FSTL4: variants seen among roughly 807,000 people sequenced by gnomAD.
FSTL4 encodes follistatin like 4, also known as follistatin-related protein 4.
A neutral mutation model predicts 78.2 loss-of-function variants in FSTL4; 28 were observed. The ratio of observed to expected loss-of-function variants is 0.36; its 90% CI spans 0.27 to 0.49. The LOEUF (loss-of-function observed/expected upper bound fraction) is 0.49, where lower values mean the gene tolerates loss of function less well. Among genes scored for constraint, FSTL4 ranks in the 20% least tolerant of loss-of-function variants. The pLI, the probability that FSTL4 is intolerant of heterozygous loss-of-function variation, is 0.98. For missense variants in FSTL4, 922 were observed against 1,084.9 expected, an observed-to-expected ratio of 0.85 and a Z score of 2.11; for synonymous variants, 422 against 440.5, an observed-to-expected ratio of 0.96 and a Z score of 0.53.
chr5:133,643,816 G>A, the FSTL4 span, among the ~76,000 whole-genome samples: 2 of 152,130 alleles, frequency 1.3e-5, no homozygotes, highest in African/African-American at 4.8e-5. Flanking sequence ...ACAATGATCA[G>A]AGAGAAAATC....
rs545146464 is a variant in FSTL4 at position 133,328,940 on chromosome 5, G to A, written c.410-12288C>T. 7.8e-4 allele frequency among the ~76,000 whole-genome samples: 119 copies of A among 152,332 alleles called. 1 individual carries two copies. The highest frequency in any genetic ancestry group is 8.7e-4 in the Non-Finnish European group (59 of 68,038). On this transcript the variant is annotated intron_variant, in intron 4 of 15. Coordinates refer to ENST00000265342, the MANE Select transcript of FSTL4 (RefSeq NM_015082.2). ...TTTGCTCAGCGTCAGCGAGGCAATGGCGTCAGTGATGTCCAGAAATGTAGC... is the reference window on the plus strand; with the variant it reads ...TTTGCTCAGCGTCAGCGAGGCAATGACGTCAGTGATGTCCAGAAATGTAGC...
rs1757069630 is a variant in FSTL4, at chr5:133,437,887, T to C, written c.161-36901A>G. 2.0e-5 allele frequency among the ~76,000 whole-genome samples: 3 copies of C among 152,124 alleles called. No homozygotes were observed. In the South Asian group the frequency reaches 6.2e-4, roughly 32 times the overall value. ...CTTTTAAACATTTTTTCATTATTTA[T>C]GTTATTGAGCTTTCTCCTTTTGTCC... On this transcript the variant is annotated intron_variant, in intron 3 of 15. Transcript: ENST00000265342.
chr5:133,701,498 CACACACACACA>C, the FSTL4 span, among the ~76,000 whole-genome samples: 6 of 132,696 alleles, frequency 4.5e-5, no homozygotes, highest in African/African-American at 1.2e-4. Flanking sequence ...CACACACACA[CACACACACACA>C]CCCCACAGGC....
At chr5:133,499,096 T>C (rs73788107) in intron 3 of FSTL4, among the ~76,000 whole-genome samples, 3,202 of 151,574 alleles carry the variant, frequency 0.021, 120 homozygotes, top group African/African-American at 0.074. Flanking sequence ...TCAGAATGAA[T>C]CCAAGTCATA....
chr5:133,680,643 T>C, the FSTL4 span, among the ~76,000 whole-genome samples: 9 of 152,202 alleles, frequency 5.9e-5, no homozygotes, highest in Non-Finnish European at 1.3e-4. Flanking sequence ...AATACACACC[T>C]GCCAAATGAA....
chr5:133,307,764 CCTT>C lies in FSTL4; in HGVS notation c.727+4887_727+4889del, dbSNP rs780128398. Among the ~76,000 whole-genome samples the C allele has an allele frequency of 1.0e-3, 157 of 150,262 alleles. 1 individual carries two copies. Among genetic ancestry groups the C allele is most frequent in the Non-Finnish European group, 2.0e-3 (135 of 67,716 alleles). On this transcript the variant is annotated intron_variant, in intron 6 of 15. Transcript: ENST00000265342. Reference sequence around the variant, plus strand: ...CTGGGAGGAGGTGGTGAGACTCACACCTTCTGTCTCCCAATTTTCTTTTTTTTT... The same window carrying C: ...CTGGGAGGAGGTGGTGAGACTCACACCTGTCTCCCAATTTTCTTTTTTTTT...
chr5:133,317,913 G>C (rs554815231), intron 4 of FSTL4, among the ~76,000 whole-genome samples: 1 of 152,162 alleles, frequency 6.6e-6, no homozygotes, highest in South Asian at 2.1e-4. Context: ...GGAAGCTACT[G>C]GGGGGAAAGG....
intron 3 of FSTL4, among the ~76,000 whole-genome samples, chr5:133,424,326 G>C (rs1756760749): frequency 6.6e-6 from 1 of 152,198 alleles, no homozygotes; most frequent in Non-Finnish European, 1.5e-5. Flanking sequence ...CAGTGTGATG[G>C]AAGCATCTCC....
At chr5:133,771,224 G>A in the FSTL4 span, among the ~76,000 whole-genome samples, 10 of 151,956 alleles carry the variant, frequency 6.6e-5, no homozygotes, top group Admixed American at 4.6e-4. Flanking sequence ...GATTCCATAT[G>A]AATTTTGGTA....
chr5:133,305,874 C>T (rs1191925060), intron 6 of FSTL4, among the ~76,000 whole-genome samples: 7 of 152,240 alleles, frequency 4.6e-5, no homozygotes, highest in South Asian at 2.1e-4. Flanking sequence ...TGCCACTCCA[C>T]GCCAAGTGTA....
intron 1 of FSTL4, among the ~76,000 whole-genome samples, chr5:133,607,617 C>A (rs398497): frequency 6.6e-6 from 1 of 151,994 alleles, no homozygotes; most frequent in Non-Finnish European, 1.5e-5. Context: ...CACCTGCTGC[C>A]GCCTGTCTGT....
At chr5:133,836,054 T>C in the FSTL4 span, among the ~76,000 whole-genome samples, 1 of 152,332 alleles carries the variant, frequency 6.6e-6, no homozygotes, top group East Asian at 1.9e-4. Flanking sequence ...TTTTCTCCTT[T>C]TACTTTCAAT....
chr5:133,257,931 A>T (rs913002488), intron 6 of FSTL4, among the ~76,000 whole-genome samples: 1 of 152,248 alleles, frequency 6.6e-6, no homozygotes, highest in Non-Finnish European at 1.5e-5. Flanking sequence ...AAAAGAATGT[A>T]TTACCTTATG....
At chr5:133,529,441 A>G (rs823982) in intron 3 of FSTL4, among the ~76,000 whole-genome samples, 58,035 of 151,984 alleles carry the variant, frequency 0.38, 11,264 homozygotes, top group East Asian at 0.42. Flanking sequence ...GGAACCTACC[A>G]AGCTAGCACC....
intron 3 of FSTL4, among the ~76,000 whole-genome samples, chr5:133,408,805 T>C (rs983293911): frequency 1.3e-5 from 2 of 152,158 alleles, no homozygotes; most frequent in Non-Finnish European, 2.9e-5. Context: ...CCTTACAGGA[T>C]TGCTTTGAGG....
chr5:133,283,845 G>A (rs1403581298), intron 6 of FSTL4, among the ~76,000 whole-genome samples: 1 of 152,228 alleles, frequency 6.6e-6, no homozygotes, highest in Non-Finnish European at 1.5e-5. Context: ...TGTACAGGAA[G>A]CATGGCTGGG....
At chr5:133,563,714 G>A (rs1015197705) in intron 3 of FSTL4, among the ~76,000 whole-genome samples, 4 of 152,196 alleles carry the variant, frequency 2.6e-5, no homozygotes. Flanking sequence ...TGGAATGCCT[G>A]CCCTGAGATG....
At chr5:133,228,941 T>C (rs1239433119) in intron 8 of FSTL4, among the ~76,000 whole-genome samples, 1 of 152,126 alleles carries the variant, frequency 6.6e-6, no homozygotes, top group African/African-American at 2.4e-5. Flanking sequence ...TGGAGAAAAA[T>C]CATATGTAGT....
At chr5:133,260,932 C>A (rs1752506739) in intron 6 of FSTL4, among the ~76,000 whole-genome samples, 1 of 152,066 alleles carries the variant, frequency 6.6e-6, no homozygotes, top group African/African-American at 2.4e-5. Context: ...CCTCTGGGGG[C>A]AGTGGTAAGA....
Sources: gnomAD v4.1 joint callset for allele counts (sites outside exome capture counted in the v4.1 genomes callset) on GRCh38, gnomAD v4.1.1 for gene constraint, MANE v1.5 for transcripts, NCBI Gene and HGNC (gene_info 2026-07-23, HGNC 2026-07-21) for gene names.